The following AOPEP variants were observed in gnomAD, a reference collection of about 807,000 sequenced individuals.
AOPEP encodes the protein aminopeptidase O.
A neutral mutation model predicts 98.1 loss-of-function variants in AOPEP; 77 were observed. The observed-to-expected ratio is 0.78, with a 90% CI of 0.65 to 0.95. The LOEUF is 0.95. AOPEP is among the 40% of genes least tolerant of loss of function. The pLI, the probability that AOPEP is intolerant of heterozygous loss-of-function variation, is 0.00. For synonymous variants in AOPEP, 346 were observed against 365.3 expected (o/e 0.95, Z 0.60); for missense variants, 1,024 against 1,024.7 (o/e 1.00, Z 0.01).
chr9:94,729,576 T>TAA (rs57495134), intron 1 of AOPEP, among the ~76,000 whole-genome samples: 6,591 of 140,674 alleles, frequency 0.047, 207 homozygotes, highest in Non-Finnish European at 0.07. Context: ...ACACTGTCTT[T>TAA]AAAAAAAAAA....
chr9:94,869,971 ATTTTTT>A (rs10556167), intron 5 of AOPEP, among the ~76,000 whole-genome samples: 3 of 93,554 alleles, frequency 3.2e-5, no homozygotes, highest in African/African-American at 1.3e-4. Flanking sequence ...GAAGCCATGA[ATTTTTT>A]TTTTTTTTTT....
At chr9:94,769,130 G>C (rs1321737977) in intron 2 of AOPEP, among the ~76,000 whole-genome samples, 1 of 152,172 alleles carries the variant, frequency 6.6e-6, no homozygotes, top group African/African-American at 2.4e-5. Flanking sequence ...ACTATGTAGT[G>C]GGTATGATTT....
At chr9:94,938,983 C>T (rs1010528595) in intron 7 of AOPEP, among the ~76,000 whole-genome samples, 11 of 152,152 alleles carry the variant, frequency 7.2e-5, no homozygotes, top group Non-Finnish European at 1.2e-4. Context: ...GGCGCGGTGG[C>T]TCACACCTGT....
At chr9:94,817,012 T>G (rs1851847967) in intron 5 of AOPEP, among the ~76,000 whole-genome samples, 1 of 152,172 alleles carries the variant, frequency 6.6e-6, no homozygotes, top group Admixed American at 6.5e-5. Context: ...TGTTTCCTTT[T>G]TTTTCCTTTT....
chr9:94,749,492 T>G (rs773948611), intron 1 of AOPEP, among the ~76,000 whole-genome samples: 2 of 152,210 alleles, frequency 1.3e-5, no homozygotes, highest in Non-Finnish European at 2.9e-5. Context: ...GTATTTTTTT[T>G]GTGACCACAT....
chr9:95,059,039 TG>T (rs1462943764), intron 13 of AOPEP, among the ~76,000 whole-genome samples: 1 of 152,260 alleles, frequency 6.6e-6, no homozygotes, highest in Non-Finnish European at 1.5e-5. Flanking sequence ...TACCAGAGGC[TG>T]GGCGCCTGGG....
intron 11 of AOPEP, among the ~76,000 whole-genome samples, chr9:94,994,883 G>A (rs1182163813): frequency 6.6e-6 from 1 of 152,156 alleles, no homozygotes; most frequent in Non-Finnish European, 1.5e-5. Flanking sequence ...CGCAGGAGGT[G>A]GAGGTTGCAA....
chr9:95,120,624 T>G, the AOPEP span, among the ~76,000 whole-genome samples: 3 of 152,062 alleles, frequency 2.0e-5, no homozygotes, highest in African/African-American at 7.2e-5. Flanking sequence ...GGTCCCACTA[T>G]GTTGCCCAGG....
At chr9:94,736,061 A>G (rs957724941) in intron 1 of AOPEP, among the ~76,000 whole-genome samples, 2 of 152,222 alleles carry the variant, frequency 1.3e-5, no homozygotes, top group African/African-American at 2.4e-5. Flanking sequence ...TTGTTGATCC[A>G]TTCATCAGTT....
At chr9:94,934,751 G>C (rs2055977898) in intron 7 of AOPEP, 1 of 152,282 alleles carries the variant, frequency 6.6e-6, no homozygotes, top group African/African-American at 2.4e-5. Flanking sequence ...TTTTGTCACT[G>C]GCTTTTGTGG....
intron 5 of AOPEP, among the ~76,000 whole-genome samples, chr9:94,802,884 A>T (rs953775512): frequency 6.6e-6 from 1 of 151,768 alleles, no homozygotes; most frequent in African/African-American, 2.4e-5. Context: ...TGGGGAAGGG[A>T]GGTGCTCTGT....
intron 5 of AOPEP, among the ~76,000 whole-genome samples, chr9:94,910,133 C>A (rs1041582891): frequency 6.6e-6 from 1 of 152,228 alleles, no homozygotes; most frequent in African/African-American, 2.4e-5. Context: ...AACTAGTTTT[C>A]TCCCTGGCAG....
chr9:94,860,176 G>A (rs1211873587), intron 5 of AOPEP, among the ~76,000 whole-genome samples: 1 of 152,198 alleles, frequency 6.6e-6, no homozygotes, highest in Non-Finnish European at 1.5e-5. Context: ...CCAGGAGTAG[G>A]AAGAAGGGCA....
At chr9:95,089,128 G>C (rs1444403663), downstream of AOPEP, among the ~76,000 whole-genome samples, 1 of 152,208 alleles carries the variant, frequency 6.6e-6, no homozygotes, top group African/African-American at 2.4e-5. Flanking sequence ...TCTGCTAGCT[G>C]CTCCTCTGGC....
chr9:94,990,169 G>A lies in AOPEP; in HGVS notation c.1977+10742G>A, dbSNP rs112691925. Among the ~76,000 whole-genome samples the A allele has an allele frequency of 4.6e-3, 695 of 152,260 alleles. 5 individuals carry two copies. Among genetic ancestry groups the A allele is most frequent in the African/African-American group, 0.016 (672 of 41,552 alleles). Reference sequence around the variant, plus strand: ...GCTAAATCTGTAAGAAAACAAATACGCTTGGAGGGAGGAGACTGCCCTTAA... The same window carrying A: ...GCTAAATCTGTAAGAAAACAAATACACTTGGAGGGAGGAGACTGCCCTTAA... On this transcript the variant is annotated intron_variant, in intron 11 of 16. Coordinates refer to ENST00000375315, the MANE Select transcript of AOPEP (RefSeq NM_001193329.3).
the AOPEP span, among the ~76,000 whole-genome samples, chr9:95,131,914 C>T: frequency 2.0e-5 from 3 of 152,128 alleles, no homozygotes; most frequent in South Asian, 2.1e-4. Flanking sequence ...AAAAACACAA[C>T]CTATCCCATA....
At chr9:94,891,131 A>G (rs1220280250) in intron 5 of AOPEP, among the ~76,000 whole-genome samples, 1 of 152,202 alleles carries the variant, frequency 6.6e-6, no homozygotes, top group African/African-American at 2.4e-5. Flanking sequence ...TGTTTAGTGC[A>G]TACACATTTA....
intron 1 of AOPEP, among the ~76,000 whole-genome samples, chr9:94,750,888 C>T (rs1588039242): frequency 1.3e-5 from 2 of 151,248 alleles, no homozygotes; most frequent in East Asian, 2.0e-4. Context: ...GCTGGGACTA[C>T]AGGCGCCTGC....
At chr9:95,147,958 G>A in the AOPEP span, among the ~76,000 whole-genome samples, 1 of 152,148 alleles carries the variant, frequency 6.6e-6, no homozygotes, top group African/African-American at 2.4e-5. Context: ...AATACTTAAA[G>A]TACTGAATAA....
Sources: gnomAD v4.1 joint callset for allele counts (sites outside exome capture counted in the v4.1 genomes callset) on GRCh38, gnomAD v4.1.1 for gene constraint, MANE v1.5 for transcripts, NCBI Gene and HGNC (gene_info 2026-07-23, HGNC 2026-07-21) for gene names.